Variants in CDH2 observed in about 807,000 individuals in gnomAD.
CDH2 encodes the protein cadherin-2.
In CDH2, 17 loss-of-function variants were observed where a neutral mutation model predicts 92.0. The ratio of observed to expected loss-of-function variants is 0.18; its 90% CI spans 0.13 to 0.28. The LOEUF (loss-of-function observed/expected upper bound fraction) is 0.28, where lower values mean the gene tolerates loss of function less well. CDH2 is among the 10% of genes least tolerant of loss of function. CDH2 has a pLI of 1.00. For synonymous variants in CDH2, 419 were observed against 415.9 expected, an observed-to-expected ratio of 1.01 and a Z score of -0.09; for missense variants, 862 against 1,133.1, an observed-to-expected ratio of 0.76 and a Z score of 3.44.
At chr18:27,940,545 T>A (rs1909111508) in intron 6 of CDH2, among the ~76,000 whole-genome samples, 1 of 152,170 alleles carries the variant, frequency 6.6e-6, no homozygotes, top group East Asian at 1.9e-4. Context: ...TGGACAATAG[T>A]TTTGTTTTAT....
chr18:27,963,137 A>T (rs1280990851), intron 15 of CDH2, among the ~76,000 whole-genome samples: 1 of 152,220 alleles, frequency 6.6e-6, no homozygotes, highest in Non-Finnish European at 1.5e-5. Context: ...TCATTTTACA[A>T]ATGCAGAATC....
At chr18:28,040,458 T>C (rs1282950769) in intron 2 of CDH2, among the ~76,000 whole-genome samples, 1 of 152,196 alleles carries the variant, frequency 6.6e-6, no homozygotes, top group Non-Finnish European at 1.5e-5. Context: ...CAGACAATGT[T>C]AATTTTCTTA....
intron 2 of CDH2, among the ~76,000 whole-genome samples, chr18:28,120,437 T>C (rs1240281303): frequency 6.6e-6 from 1 of 152,108 alleles, no homozygotes; most frequent in African/African-American, 2.4e-5. Context: ...TGTTCAATAA[T>C]ATATCCATAT....
chr18:27,981,619 A>G (rs1204674786), intron 14 of CDH2, among the ~76,000 whole-genome samples: 1 of 152,174 alleles, frequency 6.6e-6, no homozygotes, highest in Non-Finnish European at 1.5e-5. Flanking sequence ...TAAAATGGAA[A>G]ACTCTAAGGG....
At chr18:28,086,120 C>T (rs565900652) in intron 2 of CDH2, among the ~76,000 whole-genome samples, 1 of 152,232 alleles carries the variant, frequency 6.6e-6, no homozygotes, top group Non-Finnish European at 1.5e-5. Flanking sequence ...CAAGCAGCAA[C>T]AGTACAGCTA....
Position 28,047,808 on chromosome 18 carries a change from G to A in CDH2, c.173-33899C>T, listed in dbSNP as rs893663285. ...GGCGTGAACCCGGAAGGCGGAGCTT[G>A]CAGTGAGCCGAGATCGGGCCACTGC... On this transcript the variant is annotated intron_variant, in intron 2 of 15. Coordinates refer to ENST00000269141, the MANE Select transcript of CDH2 (RefSeq NM_001792.5). Among the ~76,000 whole-genome samples the A allele has an allele frequency of 6.9e-5, 10 of 145,010 alleles. No individual in the cohort carries two copies. The East Asian group carries it at 1.8e-3, about 27-fold the overall frequency.
intron 2 of CDH2, among the ~76,000 whole-genome samples, chr18:28,038,430 T>TGG (rs768931772): frequency 8.2e-6 from 1 of 122,542 alleles, no homozygotes; most frequent in Non-Finnish European, 1.9e-5. Flanking sequence ...CAAGTGTGTG[T>TGG]GTGTGTGTGT....
intron 7 of CDH2, among the ~76,000 whole-genome samples, chr18:27,995,201 C>G (rs1461760943): frequency 1.3e-5 from 2 of 150,316 alleles, no homozygotes; most frequent in African/African-American, 4.9e-5. Flanking sequence ...GAAATCCCAG[C>G]TACTCGGGAG....
intron 6 of CDH2, among the ~76,000 whole-genome samples, chr18:27,939,489 T>C (rs1909088872): frequency 6.6e-6 from 1 of 152,150 alleles, no homozygotes; most frequent in Non-Finnish European, 1.5e-5. Flanking sequence ...TGCAGACACA[T>C]TGAAAGTGAG....
intron 2 of CDH2, among the ~76,000 whole-genome samples, chr18:28,068,929 A>G (rs1295500691): frequency 1.3e-5 from 2 of 152,174 alleles, no homozygotes; most frequent in African/African-American, 4.8e-5. Context: ...ATAATAAACC[A>G]TCTTTATTCT....
In CDH2 at chr18:27,966,276, T is replaced by C. The variant is rs146590389; in HGVS notation, c.2350-2755A>G. Among the ~76,000 whole-genome samples, 20 of 152,298 alleles carry C rather than the reference T, an allele frequency of 1.3e-4. No individual in the cohort carries two copies. In the East Asian group the frequency reaches 3.5e-3, roughly 27 times the overall value. ...GTCTAAATTACACACAAAAAGGTAA[T>C]TGAATCTTATGTTTAAGCACTGTCT... On this transcript the variant is annotated intron_variant, in intron 14 of 15. Coordinates refer to ENST00000269141, the MANE Select transcript of CDH2 (RefSeq NM_001792.5).
At chr18:28,110,743 A>G (rs772655540) in intron 2 of CDH2, among the ~76,000 whole-genome samples, 1 of 152,208 alleles carries the variant, frequency 6.6e-6, no homozygotes, top group Non-Finnish European at 1.5e-5. Context: ...TTACTGCAAC[A>G]AGAATTCAAA....
At chr18:28,077,142 A>G (rs1430171043) in intron 2 of CDH2, among the ~76,000 whole-genome samples, 1 of 152,152 alleles carries the variant, frequency 6.6e-6, no homozygotes, top group Admixed American at 6.5e-5. Context: ...TCCTATTTTA[A>G]ATAGTTACTG....
rs553457949 is a variant in CDH2 at position 27,956,815 on chromosome 18, T to C, written c.2515-4456A>G. ...TTATTTAAGAAAATTAACTTAAAAA[T>C]TGATGAACAGTTTAAGAAAATAACA... On this transcript the variant is annotated intron_variant, in intron 15 of 15. Coordinates refer to ENST00000269141, the MANE Select transcript of CDH2 (RefSeq NM_001792.5). Among the ~76,000 whole-genome samples the C allele has an allele frequency of 7.6e-4, 116 of 152,286 alleles. No individual in the cohort carries two copies. In the South Asian group the frequency reaches 0.021, roughly 27 times the overall value.
intron 1 of CDH2, among the ~76,000 whole-genome samples, chr18:28,173,648 T>C (rs1430538206): frequency 6.6e-6 from 1 of 152,160 alleles, no homozygotes; most frequent in Non-Finnish European, 1.5e-5. Context: ...TGTTAAGTCT[T>C]AGAAATGAAT....
intron 1 of CDH2, among the ~76,000 whole-genome samples, chr18:28,149,784 A>G (rs1476520445): frequency 6.6e-6 from 1 of 152,234 alleles, no homozygotes; most frequent in Non-Finnish European, 1.5e-5. Flanking sequence ...CTTTCTTTCA[A>G]AAAGACTGAA....
chr18:28,036,219 G>T (rs908851778), intron 2 of CDH2, among the ~76,000 whole-genome samples: 1 of 152,096 alleles, frequency 6.6e-6, no homozygotes, highest in Non-Finnish European at 1.5e-5. Context: ...GAGAAGACAA[G>T]AGTGAAATAC....
intron 13 of CDH2, among the ~76,000 whole-genome samples, chr18:27,983,783 A>C (rs1599009292): frequency 6.6e-6 from 1 of 152,242 alleles, no homozygotes; most frequent in South Asian, 2.1e-4. Context: ...AATGTCAGTT[A>C]CTTCTTCATT....
In CDH2 at chr18:28,127,149, A is replaced by C. The variant is rs573391100; in HGVS notation, c.172+20524T>G. Reference sequence around the variant, plus strand: ...AGACAGCTTGGAGAAAAACTGTATTAATTTTTAAAAATGATGAGTATTGTG... The same window carrying C: ...AGACAGCTTGGAGAAAAACTGTATTCATTTTTAAAAATGATGAGTATTGTG... On this transcript the variant is annotated intron_variant, in intron 2 of 15. Coordinates refer to ENST00000269141, the MANE Select transcript of CDH2 (RefSeq NM_001792.5). Among the ~76,000 whole-genome samples the C allele has an allele frequency of 2.0e-5, 3 of 152,320 alleles. No homozygotes were observed. The East Asian group carries it at 5.8e-4, about 29-fold the overall frequency.
Sources: gnomAD v4.1 joint callset for allele counts (sites outside exome capture counted in the v4.1 genomes callset) on GRCh38, gnomAD v4.1.1 for gene constraint, MANE v1.5 for transcripts, NCBI Gene and HGNC (gene_info 2026-07-23, HGNC 2026-07-21) for gene names.